Variants in TAF1 observed in about 807,000 individuals in gnomAD.
The protein encoded by TAF1 is TATA-box binding protein associated factor 1, also known as transcription initiation factor TFIID subunit 1.
Under a neutral mutation model 138.5 loss-of-function variants are expected in TAF1, and 2 were observed. The observed-to-expected ratio is 0.01, with a 90% CI of 0.01 to 0.05. The LOEUF (loss-of-function observed/expected upper bound fraction) is 0.05, where lower values mean the gene tolerates loss of function less well. Ranked by LOEUF, TAF1 falls within the 10% of genes least tolerant of loss-of-function variation. The pLI is 1.00. For synonymous variants in TAF1, 437 were observed against 503.2 expected, an observed-to-expected ratio of 0.87 and a Z score of 1.76; for missense variants, 709 against 1,478.0, an observed-to-expected ratio of 0.48 and a Z score of 8.53.
chrX:71,401,477 T>C (rs758607154), intron 24 of TAF1, 51 bp from the exon 25 acceptor site: 114 of 1,182,608 alleles, frequency 9.6e-5, no homozygotes, highest in Non-Finnish European at 1.1e-4. Context: ...ATCTCTGATA[T>C]GTGTTTCAGC....
intron 37 of TAF1, among the ~76,000 whole-genome samples, chrX:71,461,811 G>A (rs1022980878): frequency 5.4e-5 from 6 of 111,887 alleles, no homozygotes; most frequent in Non-Finnish European, 1.1e-4. Flanking sequence ...CAATCATAGT[G>A]TAATATGAAA....
intron 17 of TAF1, 46 bp downstream of exon 17, chrX:71,388,914 T>G (rs1332850705): frequency 3.3e-5 from 29 of 888,602 alleles, no homozygotes; most frequent in Non-Finnish European, 3.9e-5. Flanking sequence ...TGGTTTTTTG[T>G]TTTTTTTTTT....
At chrX:71,452,064 C>T (rs2037998674) in intron 32 of TAF1, among the ~76,000 whole-genome samples, 1 of 105,374 alleles carries the variant, frequency 9.5e-6, no homozygotes, top group Non-Finnish European at 2.0e-5. Context: ...CGGGCAGAGG[C>T]ACCCCTCACC....
chrX:71,446,608 A>G (rs1317967276), intron 32 of TAF1, among the ~76,000 whole-genome samples: 3 of 112,316 alleles, frequency 2.7e-5, no homozygotes, highest in African/African-American at 9.7e-5. Context: ...TTATTTTTCT[A>G]GTTGTAGAGA....
chrX:71,429,199 T>TG (rs1173969908), intron 32 of TAF1, among the ~76,000 whole-genome samples: 1 of 109,952 alleles, frequency 9.1e-6, no homozygotes, highest in Admixed American at 9.8e-5. Flanking sequence ...GGTGTGAACC[T>TG]GGGAGGCGGA....
At position 71,382,044 on chromosome X, in the gene TAF1, G is replaced by C. The variant is rs1241138024; in HGVS notation, c.1537+125G>C. On this transcript the variant is annotated intron_variant, in intron 9 of 37. Transcript: ENST00000423759. ...TAGAAACCTGTAGGTAGCGGCTTGAGAGAGCGAAGTTTTGGCTGTTAGTTT... is the reference window on the plus strand; with the variant it reads ...TAGAAACCTGTAGGTAGCGGCTTGACAGAGCGAAGTTTTGGCTGTTAGTTT... 3.8e-6 allele frequency: 3 copies of C among 793,394 alleles called. No homozygotes were observed. In the East Asian group the frequency reaches 1.2e-4, roughly 30 times the overall value. The allele number at this position is 793,394 out of a possible 1,213,427, so 65.4% of individuals were successfully genotyped here.
chrX:71,401,875 G>C, intron 25 of TAF1, 136 bp downstream of exon 25: 1 of 595,454 alleles, frequency 1.7e-6, no homozygotes, highest in African/African-American at 2.3e-5. Context: ...CGTTTCCTCA[G>C]TTATTGTTGC....
intron 18 of TAF1, among the ~76,000 whole-genome samples, chrX:71,391,683 C>A (rs376686407): frequency 1.0e-5 from 1 of 99,373 alleles, no homozygotes; most frequent in Non-Finnish European, 2.0e-5. Flanking sequence ...GGCTGGAGTG[C>A]AGTGGTGCAG....
At chrX:71,417,675 A>T (rs939066494) in intron 28 of TAF1, among the ~76,000 whole-genome samples, 25 of 111,474 alleles carry the variant, frequency 2.2e-4, no homozygotes, top group African/African-American at 8.1e-4. Flanking sequence ...CAGTAAGCAG[A>T]TACAGTTGTT....
intron 28 of TAF1, among the ~76,000 whole-genome samples, chrX:71,420,978 G>T (rs2036314211): frequency 8.9e-6 from 1 of 112,794 alleles, no homozygotes; most frequent in South Asian, 3.6e-4. Flanking sequence ...GCCGCCCGCT[G>T]CCGCCTGCTC....
rs1298001093 is a variant in TAF1, at chrX:71,508,606, G to GAAA, written c.1367-19922_1367-19920dup. ...GGTGACAGAGCAAGACCCTGTCTCT[G>GAAA]AAAAAAAAAAAAAAAAGAAAAAAAA... On this transcript the variant is annotated intron_variant and NMD_transcript_variant, in intron 13 of 14. Coordinates refer to the TAF1 transcript ENST00000373775. 1.3e-4 allele frequency among the ~76,000 whole-genome samples: 5 copies of GAAA among 38,468 alleles called. No individual in the cohort carries two copies. The East Asian group carries it at 3.7e-3, about 28-fold the overall frequency. The allele number at this position is 38,468 out of a possible 115,157, so 33.4% of individuals were successfully genotyped here.
At chrX:71,389,018 T>C in intron 17 of TAF1, 150 bp downstream of exon 17, 2 of 678,025 alleles carry the variant, frequency 2.9e-6, no homozygotes, top group East Asian at 7.2e-5. Flanking sequence ...AAAAGTTCAA[T>C]TTGTATAAAG....
intron 13 of TAF1, among the ~76,000 whole-genome samples, chrX:71,500,413 G>A (rs1447290567): frequency 2.2e-4 from 22 of 101,141 alleles, no homozygotes; most frequent in Admixed American, 5.3e-4. Context: ...CAGGGTTTGT[G>A]GGTCAAATTG....
intron 32 of TAF1, among the ~76,000 whole-genome samples, chrX:71,444,826 C>T (rs2037609823): frequency 1.8e-5 from 2 of 110,503 alleles, no homozygotes; most frequent in South Asian, 7.7e-4. Context: ...CTCCGCCTCC[C>T]GAGTTCATGC....
rs1408007514 is a variant in TAF1, at chrX:71,423,803, A to G, written c.4576-171A>G. Among the ~76,000 whole-genome samples the G allele has an allele frequency of 3.6e-5, 4 of 112,078 alleles. No individual in the cohort carries two copies. In the East Asian group the frequency reaches 1.1e-3, roughly 31 times the overall value. ...TCCTATCATGGCATAGAAATCCTTA[A>G]AGGAATCTATGAACCCCTTACATTA... On this transcript the variant is annotated intron_variant, in intron 30 of 37. Transcript: ENST00000423759.
At chrX:71,406,869 TTCATTA>T in intron 26 of TAF1, 123 bp downstream of exon 26, 1 of 464,560 alleles carries the variant, frequency 2.2e-6, no homozygotes, top group East Asian at 4.2e-5. Flanking sequence ...ATTTGTACTG[TTCATTA>T]TAAGATTTCT....
At chrX:71,503,348 A>ATATATATATATATATGTG (rs2039559598) in intron 13 of TAF1, among the ~76,000 whole-genome samples, 2 of 92,844 alleles carry the variant, frequency 2.2e-5, no homozygotes, top group African/African-American at 4.3e-5. Context: ...ATATATGTGT[A>ATATATATATATATATGTG]TATATATATA....
intron 13 of TAF1, among the ~76,000 whole-genome samples, chrX:71,471,948 A>G (rs914798454): frequency 8.9e-6 from 1 of 112,059 alleles, no homozygotes; most frequent in African/African-American, 3.2e-5. Flanking sequence ...CAATTTCCCA[A>G]CTGCCAGGCA....
intron 14 of TAF1, 42 bp from the exon 15 acceptor site, chrX:71,387,219 G>C (rs1172339338): frequency 1.7e-6 from 2 of 1,192,519 alleles, no homozygotes; most frequent in South Asian, 1.8e-5. Flanking sequence ...GAATTTCCTA[G>C]GGCTACTCTG....
Sources: allele counts gnomAD v4.1 joint callset (sites outside exome capture counted in the v4.1 genomes callset), GRCh38; gene constraint gnomAD v4.1.1; transcripts MANE v1.5; gene names NCBI Gene and HGNC (gene_info 2026-07-23, HGNC 2026-07-21).